NEGR1: variants seen among roughly 807,000 people sequenced by gnomAD.
NEGR1 encodes the protein neuronal growth regulator 1, also known as IgLON family member 4.
A neutral mutation model predicts 40.9 loss-of-function variants in NEGR1; 10 were observed. That is an observed-to-expected ratio of 0.24 (90% confidence interval 0.15 to 0.42). The LOEUF is 0.42. Ranked by LOEUF, NEGR1 falls within the 10% of genes least tolerant of loss-of-function variation. The pLI is 1.00. For missense variants in NEGR1, 352 were observed against 438.9 expected (o/e 0.80, Z 1.77); for synonymous variants, 185 against 166.8 (o/e 1.11, Z -0.84).
chr1:71,540,032 C>T (rs1436066972), intron 6 of NEGR1, among the ~76,000 whole-genome samples: 1 of 151,724 alleles, frequency 6.6e-6, no homozygotes, highest in Non-Finnish European at 1.5e-5. Context: ...TTTCTATCTA[C>T]TTCAGTAAAT....
intron 6 of NEGR1, among the ~76,000 whole-genome samples, chr1:71,483,286 G>A (rs1365865829): frequency 6.6e-6 from 1 of 151,722 alleles, no homozygotes; most frequent in Non-Finnish European, 1.5e-5. Context: ...ACCATGTAGG[G>A]TTTTGTAGAC....
chr1:71,456,192 C>A (rs1172383218), intron 6 of NEGR1, among the ~76,000 whole-genome samples: 8 of 152,172 alleles, frequency 5.3e-5, no homozygotes, highest in African/African-American at 1.9e-4. Flanking sequence ...CAAAGAAGCA[C>A]TCTGAAAAAC....
intron 2 of NEGR1, among the ~76,000 whole-genome samples, chr1:71,864,166 C>T (rs564576644): frequency 6.6e-5 from 10 of 152,060 alleles, no homozygotes; most frequent in Non-Finnish European, 1.3e-4. Context: ...AGGGAGAGGT[C>T]GCCTGGGTCC....
chr1:71,430,155 A>G (rs1355822277), intron 6 of NEGR1, among the ~76,000 whole-genome samples: 1 of 152,156 alleles, frequency 6.6e-6, no homozygotes, highest in Admixed American at 6.5e-5. Context: ...TGGGCAACTC[A>G]TCTTTGAACT....
intron 3 of NEGR1, among the ~76,000 whole-genome samples, chr1:71,718,098 T>C (rs1010049502): frequency 1.3e-5 from 2 of 152,220 alleles, no homozygotes; most frequent in Non-Finnish European, 2.9e-5. Flanking sequence ...GAAAAAATTT[T>C]GTAAAGGCGA....
intron 1 of NEGR1, among the ~76,000 whole-genome samples, chr1:72,021,266 T>G (rs1557487265): frequency 6.6e-6 from 1 of 152,164 alleles, no homozygotes; most frequent in Non-Finnish European, 1.5e-5. Context: ...TATCAAAGTT[T>G]GAAGAATTTA....
At chr1:72,057,604 G>A (rs963823300) in intron 1 of NEGR1, among the ~76,000 whole-genome samples, 1 of 151,438 alleles carries the variant, frequency 6.6e-6, no homozygotes, top group Non-Finnish European at 1.5e-5. Flanking sequence ...AACTCTAGAC[G>A]AGGGGCCCCT....
At chr1:72,194,297 G>A (rs970157927) in intron 1 of NEGR1, among the ~76,000 whole-genome samples, 11 of 151,920 alleles carry the variant, frequency 7.2e-5, no homozygotes, top group African/African-American at 1.9e-4. Flanking sequence ...CTTTGTATAA[G>A]GTACTATTCA....
At chr1:72,063,750 G>C (rs560966954) in intron 1 of NEGR1, among the ~76,000 whole-genome samples, 8 of 152,024 alleles carry the variant, frequency 5.3e-5, no homozygotes, top group Non-Finnish European at 1.0e-4. Context: ...AGAATCCAGA[G>C]AGTCATACAC....
At chr1:71,737,443 T>C (rs59851000) in intron 3 of NEGR1, among the ~76,000 whole-genome samples, 13,486 of 152,012 alleles carry the variant, frequency 0.089, 824 homozygotes, top group East Asian at 0.17. Context: ...TGTAGACATG[T>C]TTTTGTTGTA....
intron 6 of NEGR1, among the ~76,000 whole-genome samples, chr1:71,498,805 T>A (rs1414721117): frequency 6.6e-6 from 1 of 152,146 alleles, no homozygotes; most frequent in Non-Finnish European, 1.5e-5. Context: ...TTTGCCTTAA[T>A]CATAGGAGAC....
intron 1 of NEGR1, among the ~76,000 whole-genome samples, chr1:72,099,515 T>C (rs1414042150): frequency 6.6e-6 from 1 of 152,034 alleles, no homozygotes; most frequent in African/African-American, 2.4e-5. Context: ...AAAGCATTTT[T>C]AAATGAGTAA....
chr1:72,028,005 C>T (rs551950069), intron 1 of NEGR1, among the ~76,000 whole-genome samples: 3 of 152,326 alleles, frequency 2.0e-5, no homozygotes, highest in East Asian at 1.9e-4. Context: ...CCCTACCTCC[C>T]GCAGATTCAA....
chr1:71,737,180 A>T (rs2101671370), intron 3 of NEGR1, among the ~76,000 whole-genome samples: 1 of 152,328 alleles, frequency 6.6e-6, no homozygotes, highest in African/African-American at 2.4e-5. Context: ...TCAACTTTTG[A>T]AAAGGGAAAT....
chr1:71,759,902 G>C (rs11587068), intron 3 of NEGR1, among the ~76,000 whole-genome samples: 57,106 of 151,524 alleles, frequency 0.38, 11,143 homozygotes, highest in East Asian at 0.61. Context: ...AACCACCGTG[G>C]CTGGCCCAAG....
intron 6 of NEGR1, among the ~76,000 whole-genome samples, chr1:71,503,191 G>A (rs116168738): frequency 0.022 from 3,288 of 152,170 alleles, 53 homozygotes; most frequent in Admixed American, 0.031. Context: ...GTAACCCTTC[G>A]GTCTTTTGGC....
At chr1:71,553,474 ACT>A (rs767470758) in intron 6 of NEGR1, among the ~76,000 whole-genome samples, 26 of 151,468 alleles carry the variant, frequency 1.7e-4, no homozygotes, top group Non-Finnish European at 3.4e-4. Context: ...TTTAATGAAC[ACT>A]CTTTAAGCTG....
chr1:71,668,369 G>A (rs973345602), intron 4 of NEGR1, among the ~76,000 whole-genome samples: 1 of 152,194 alleles, frequency 6.6e-6, no homozygotes, highest in African/African-American at 2.4e-5. Flanking sequence ...TTGAGAGCTA[G>A]AATGTCATCT....
At chr1:71,435,392 A>G (rs1646502349) in intron 6 of NEGR1, among the ~76,000 whole-genome samples, 1 of 152,196 alleles carries the variant, frequency 6.6e-6, no homozygotes, top group African/African-American at 2.4e-5. Context: ...GGCATAAAAA[A>G]ATGCCAAGAT....
Sources: allele counts gnomAD v4.1 joint callset (sites outside exome capture counted in the v4.1 genomes callset), GRCh38; gene constraint gnomAD v4.1.1; transcripts MANE v1.5; gene names NCBI Gene and HGNC (gene_info 2026-07-23, HGNC 2026-07-21).